GPR39: variants seen among roughly 807,000 people sequenced by gnomAD.
GPR39 encodes the protein zinc sensing receptor.
Under a neutral mutation model 18.4 loss-of-function variants are expected in GPR39, and 23 were observed. The observed-to-expected ratio is 1.25, with a 90% confidence interval of 0.90 to 1.77. GPR39 has a LOEUF of 1.77. Ranked by LOEUF, GPR39 falls within the 40% of genes most tolerant of loss-of-function variation. The pLI is 0.00. For synonymous variants in GPR39, 280 were observed against 257.9 expected (o/e 1.09, Z -0.82); for missense variants, 647 against 602.4 (o/e 1.07, Z -0.78).
At chr2:132,437,370 C>T (rs776583250) in intron 1 of GPR39, among the ~76,000 whole-genome samples, 1 of 152,180 alleles carries the variant, frequency 6.6e-6, no homozygotes, top group African/African-American at 2.4e-5. Flanking sequence ...CTTAGCACTA[C>T]ACCATACTCC....
chr2:132,575,037 TA>T (rs1335257573), intron 1 of GPR39, among the ~76,000 whole-genome samples: 2 of 152,300 alleles, frequency 1.3e-5, no homozygotes, highest in South Asian at 2.1e-4. Context: ...TTTCTACATT[TA>T]TTTTTTTCAT....
intron 1 of GPR39, among the ~76,000 whole-genome samples, chr2:132,512,146 T>C (rs1679253202): frequency 6.6e-6 from 1 of 152,162 alleles, no homozygotes; most frequent in South Asian, 2.1e-4. Context: ...CTTGGGGTAA[T>C]TATGCATTTC....
At chr2:132,474,554 A>T (rs1390007159) in intron 1 of GPR39, among the ~76,000 whole-genome samples, 2 of 152,212 alleles carry the variant, frequency 1.3e-5, no homozygotes, top group Non-Finnish European at 2.9e-5. Context: ...CAGCTTGTGC[A>T]TGCATGCGTG....
At chr2:132,454,729 A>G (rs1331164879) in intron 1 of GPR39, among the ~76,000 whole-genome samples, 1 of 152,168 alleles carries the variant, frequency 6.6e-6, no homozygotes, top group Non-Finnish European at 1.5e-5. Context: ...TTCTGCATCT[A>G]TTGAGATAAT....
In GPR39 at chr2:132,534,996, T is replaced by TAA. The variant is rs35751795; in HGVS notation, c.857-110096_857-110095dup. On this transcript the variant is annotated intron_variant, in intron 1 of 1. Coordinates refer to ENST00000329321, the MANE Select transcript of GPR39 (RefSeq NM_001508.3). ...CTAAAACCTAAAGTATAATAATAAT[T>TAA]AAAAAAAAAACATGTCATCTGCAAA... Among the ~76,000 whole-genome samples, 189 of 149,886 alleles carry TAA rather than the reference T, an allele frequency of 1.3e-3. 1 individual carries two copies. Among genetic ancestry groups the TAA allele is most frequent in the Middle Eastern group, 3.5e-3 (1 of 288 alleles).
At chr2:132,623,716 C>T (rs1681487899) in intron 1 of GPR39, among the ~76,000 whole-genome samples, 1 of 152,164 alleles carries the variant, frequency 6.6e-6, no homozygotes, top group African/African-American at 2.4e-5. Flanking sequence ...TCTGTTGTCT[C>T]TTCTAGCTGG....
intron 1 of GPR39, among the ~76,000 whole-genome samples, chr2:132,613,488 G>A (rs1436137678): frequency 1.3e-5 from 2 of 152,132 alleles, no homozygotes; most frequent in African/African-American, 4.8e-5. Flanking sequence ...GCAGGGAGTG[G>A]GAATTCTTTG....
At chr2:132,540,365 C>T (rs756374655) in intron 1 of GPR39, among the ~76,000 whole-genome samples, 4 of 152,062 alleles carry the variant, frequency 2.6e-5, no homozygotes, top group South Asian at 2.1e-4. Context: ...CTGGGGAGAG[C>T]GACGGTCAGG....
At chr2:132,478,725 A>G (rs1284131501) in intron 1 of GPR39, among the ~76,000 whole-genome samples, 1 of 152,256 alleles carries the variant, frequency 6.6e-6, no homozygotes, top group Non-Finnish European at 1.5e-5. Flanking sequence ...CTTAGTGAGT[A>G]AAATGAAAAT....
chr2:132,640,831 G>C (rs1373015546), intron 1 of GPR39, among the ~76,000 whole-genome samples: 2 of 152,132 alleles, frequency 1.3e-5, no homozygotes, highest in African/African-American at 4.8e-5. Flanking sequence ...TATTCTCAAC[G>C]GTGTATCATC....
chr2:132,505,907 A>G (rs1425323775), intron 1 of GPR39, among the ~76,000 whole-genome samples: 1 of 152,202 alleles, frequency 6.6e-6, no homozygotes, highest in African/African-American at 2.4e-5. Flanking sequence ...GTTCCTTTGG[A>G]TAAATACCAA....
In GPR39 at chr2:132,560,155, G is replaced by T. The variant is rs557864338; in HGVS notation, c.857-84946G>T. Among the ~76,000 whole-genome samples the T allele has an allele frequency of 1.7e-3, 255 of 152,032 alleles. 1 individual carries two copies. Among genetic ancestry groups the T allele is most frequent in the African/African-American group, 5.9e-3 (246 of 41,462 alleles). On this transcript the variant is annotated intron_variant, in intron 1 of 1. Transcript: ENST00000329321. ...GCAGCAACATCCTCAACCTCCAACC[G>T]CCCACCTGCCATTATAAAATTCTTC...
intron 1 of GPR39, among the ~76,000 whole-genome samples, chr2:132,423,255 C>A (rs923702704): frequency 6.6e-6 from 1 of 150,422 alleles, no homozygotes; most frequent in Admixed American, 6.6e-5. Flanking sequence ...AGATGAATAG[C>A]TGTCTTCTCA....
At chr2:132,639,229 G>A (rs1681817557) in intron 1 of GPR39, among the ~76,000 whole-genome samples, 1 of 149,646 alleles carries the variant, frequency 6.7e-6, no homozygotes, top group Non-Finnish European at 1.5e-5. Flanking sequence ...AAGTAAATAA[G>A]CAAAGTACAG....
intron 1 of GPR39, among the ~76,000 whole-genome samples, chr2:132,588,727 C>T (rs948249680): frequency 2.6e-5 from 4 of 152,164 alleles, no homozygotes; most frequent in African/African-American, 9.7e-5. Context: ...TCTTTTCAGA[C>T]CTGGTGCCAG....
rs74547334 is a variant in GPR39, at chr2:132,639,303, C to G, written c.857-5798C>G. Among the ~76,000 whole-genome samples the G allele has an allele frequency of 2.0e-5, 3 of 152,152 alleles. No homozygotes were observed. In the East Asian group the frequency reaches 5.8e-4, roughly 29 times the overall value. On this transcript the variant is annotated intron_variant, in intron 1 of 1. Transcript: ENST00000329321. ...GGGGCTGGTGGGGAGGTGGAGATGT[C>G]TAACCCTTGCTCACTATGGTCAGGA...
rs1272213811 is a variant in GPR39, at chr2:132,645,344, A to C, written c.1100A>C (p.His367Pro). 10 of 1,614,104 alleles carry C rather than the reference A, an allele frequency of 6.2e-6. No homozygotes were observed. Among genetic ancestry groups the C allele is most frequent in the Non-Finnish European group, 8.5e-6 (10 of 1,180,038 alleles). ...QVLCCRLSLQ[H>P]ANHEKRLRVH... Reference sequence around the variant, plus strand: ...CTGTGCTGCCGCCTGTCGCTGCAGCACGCCAACCACGAGAAGCGCCTGCGC... The same window carrying C: ...CTGTGCTGCCGCCTGTCGCTGCAGCCCGCCAACCACGAGAAGCGCCTGCGC... The change falls in exon 2 of 2, where the codon CAC (histidine) becomes CCC (proline). Residue 367 changes from histidine (H) to proline (P), a missense_variant. Around this residue, in one of 3 missense-constraint regions of GPR39, gnomAD observed 581 missense variants for 506.8 expected, o/e 1.15. Transcript: ENST00000329321.
At chr2:132,580,511 T>C (rs1047155684) in intron 1 of GPR39, among the ~76,000 whole-genome samples, 2 of 152,224 alleles carry the variant, frequency 1.3e-5, no homozygotes, top group Non-Finnish European at 2.9e-5. Context: ...TGCACACTTT[T>C]ATTTATATGC....
intron 1 of GPR39, among the ~76,000 whole-genome samples, chr2:132,442,184 A>AAAGC (rs1381156979): frequency 6.6e-6 from 1 of 152,222 alleles, no homozygotes; most frequent in African/African-American, 2.4e-5. Flanking sequence ...GTTCAGTTGG[A>AAAGC]AAGCAGGAGA....
Sources: allele counts gnomAD v4.1 joint callset (sites outside exome capture counted in the v4.1 genomes callset), GRCh38; gene constraint gnomAD v4.1.1; regional missense constraint gnomAD v4.1.1; transcripts MANE v1.5; gene names NCBI Gene and HGNC (gene_info 2026-07-23, HGNC 2026-07-21).